Variants in NIN observed in about 807,000 individuals in gnomAD.
The protein encoded by NIN is glycogen synthase kinase 3 beta-interacting protein.
In NIN, 137 loss-of-function variants were observed where a neutral mutation model predicts 257.6. The observed-to-expected ratio is 0.53, with a 90% CI of 0.46 to 0.61. The LOEUF (loss-of-function observed/expected upper bound fraction) is 0.61. Among genes scored for constraint, NIN ranks in the 20% least tolerant of loss-of-function variants. The pLI is 0.00. For missense variants in NIN, 2,439 were observed against 2,501.2 expected (o/e 0.98, Z 0.53); for synonymous variants, 918 against 919.8 (o/e 1.00, Z 0.04).
In NIN at chr14:50,720,631, T is replaced by A. The variant is rs1162622352; in HGVS notation, c.*2832A>T. ...GGAAGAATTCACATTTAAAACAGTT[T>A]AAAAAATCTGGATTTAGTAAGAGTT... On this transcript the variant is annotated 3_prime_UTR_variant, in exon 31 of 31. Coordinates refer to ENST00000530997, the MANE Select transcript of NIN (RefSeq NM_020921.4). The A allele has an allele frequency of 4.8e-6, 1 of 206,348 alleles. No homozygotes were observed. The highest frequency in any genetic ancestry group is 9.9e-6 in the Non-Finnish European group (1 of 100,700). The allele number at this position is 206,348 out of a possible 1,614,324, so 12.8% of individuals were successfully genotyped here. A position where few individuals can be genotyped will look rare whatever the true frequency, so the allele number is the denominator to read the frequency against.
chr14:50,772,414 T>A lies in NIN; in HGVS notation c.868A>T (p.Ile290Phe), dbSNP rs1291249589. 1.9e-6 allele frequency: 3 copies of A among 1,614,124 alleles called. No individual in the cohort carries two copies. The highest frequency in any genetic ancestry group is 1.7e-6 in the Non-Finnish European group (2 of 1,180,012). ...TTTSSAMTST[I>F]GFRVFSCLDD... Reference sequence around the variant, plus strand: ...AGGCAGGAGAAGACCCGAAAGCCAATGGTACTTGTCATTGCTGATGAGGTT... The same window carrying A: ...AGGCAGGAGAAGACCCGAAAGCCAAAGGTACTTGTCATTGCTGATGAGGTT... Residue 290 changes from isoleucine to phenylalanine, a missense_variant, in exon 9 of 31, where the codon ATT (isoleucine) becomes TTT (phenylalanine). Ile to Phe is a conservative substitution (Grantham distance 21). Transcript: ENST00000530997.
At chr14:50,816,256 C>T (rs573094832) in intron 3 of NIN, among the ~76,000 whole-genome samples, 442 of 152,172 alleles carry the variant, frequency 2.9e-3, no homozygotes, top group African/African-American at 9.0e-3. Flanking sequence ...CTAATGGATG[C>T]CAGGCTTAAT....
intron 7 of NIN, among the ~76,000 whole-genome samples, chr14:50,773,535 T>C (rs963183598): frequency 6.6e-6 from 1 of 152,212 alleles, no homozygotes; most frequent in Non-Finnish European, 1.5e-5. Flanking sequence ...GTTGAATTTT[T>C]GAAATTGGTA....
At chr14:50,771,026 C>T (rs768439460) in intron 10 of NIN, 34 bp from the exon 11 acceptor site, 2 of 1,602,566 alleles carry the variant, frequency 1.2e-6, no homozygotes, top group East Asian at 2.2e-5. Flanking sequence ...TAATGGGAAA[C>T]TGTTTCTAAG....
chr14:50,795,098 C>T (rs1343883385), intron 4 of NIN, among the ~76,000 whole-genome samples: 5 of 152,102 alleles, frequency 3.3e-5, no homozygotes, highest in African/African-American at 9.7e-5. Flanking sequence ...ATAGAACGTA[C>T]GAACATGATA....
At chr14:50,816,750 G>A (rs1374113564) in intron 3 of NIN, among the ~76,000 whole-genome samples, 1 of 152,146 alleles carries the variant, frequency 6.6e-6, no homozygotes, top group African/African-American at 2.4e-5. Context: ...GAAATCTAAT[G>A]AGCATCCCTA....
Position 50,738,150 on chromosome 14 carries a change from G to A in NIN, c.5765C>T (p.Ala1922Val). The change falls in exon 27 of 31, where the codon GCT becomes GTT. Residue 1922 changes from alanine (A) to valine (V), a missense_variant. This residue lies in a region of NIN where 2,043 missense variants were observed against 2,050.2 expected (regional missense o/e 1.00). Coordinates refer to ENST00000530997, the MANE Select transcript of NIN (RefSeq NM_020921.4). ...TTCTCAAAAACTCACCTTCCTGTTA[G>A]CAGGAGATTGTTCTTTCTGAAACTG... ...CDQFQKEQSP[A>V]NRKVSQMNSL... 6.2e-7 allele frequency: 1 copy of A among 1,613,990 alleles called. No individual in the cohort carries two copies. The highest frequency in any genetic ancestry group is 8.5e-7 in the Non-Finnish European group (1 of 1,179,964).
rs996423537 is a variant in NIN at position 50,758,305 on chromosome 14, C to T, written c.2725G>A (p.Val909Ile). The part of the protein sequence containing the change: ...KTYKEHLNSM[V>I]VERQQLLQDL... ...TGGAGTAGCTGCTGTCTCTCGACGA[C>T]CATGCTGTTCAAATGTTCTTTGTAT... The change falls in exon 18 of 31, where the codon GTC (valine) becomes ATC (isoleucine). Residue 909 changes from valine to isoleucine, a missense_variant. Val to Ile is a conservative substitution (Grantham distance 29). This residue lies in a region of NIN where 2,043 missense variants were observed against 2,050.2 expected (regional missense o/e 1.00). Transcript: ENST00000530997. The T allele has an allele frequency of 1.2e-6, 2 of 1,614,230 alleles. No homozygotes were observed. The highest frequency in any genetic ancestry group is 1.7e-6 in the Non-Finnish European group (2 of 1,180,030).
Position 50,729,573 on chromosome 14 carries a change from G to A in NIN, c.6028C>T (p.His2010Tyr). The change falls in exon 29 of 31, where the codon CAC (histidine) becomes TAC (tyrosine). Residue 2010 changes from histidine to tyrosine, a missense_variant. Transcript: ENST00000530997. ...QLLQAERINQHLQEELENRTS... is the reference protein window; with the variant it reads ...QLLQAERINQYLQEELENRTS... ...CTGTTTTCAAGTTCCTCCTGCAGGT[G>A]CTGGTTTATCCTTTCTGCCTGCAGC... The A allele has an allele frequency of 6.2e-7, 1 of 1,614,082 alleles. No individual in the cohort carries two copies. Among genetic ancestry groups the A allele is most frequent in the Non-Finnish European group, 8.5e-7 (1 of 1,179,986 alleles).
chr14:50,760,304 T>C lies in NIN; in HGVS notation c.1952A>G (p.Gln651Arg). Residue 651 changes from glutamine to arginine, a missense_variant, in exon 17 of 31, where the codon CAG becomes CGG. By Grantham distance (43) the Gln-to-Arg change is conservative. This residue lies in a region of NIN where 2,043 missense variants were observed against 2,050.2 expected (regional missense o/e 1.00). Coordinates refer to ENST00000530997, the MANE Select transcript of NIN (RefSeq NM_020921.4). ...DETVVSCKKA[Q>R]ENMKQRHENE... ...CTCATGCCTTTGCTTCATGTTCTCC[T>C]GTGCCTTCTTGCAGCTGACCACGGT... The C allele has an allele frequency of 1.9e-6, 3 of 1,608,514 alleles. No homozygotes were observed. The highest frequency in any genetic ancestry group is 2.5e-6 in the Non-Finnish European group (3 of 1,179,940).
chr14:50,830,180 T>G (rs2045637934), intron 2 of NIN, among the ~76,000 whole-genome samples: 1 of 152,180 alleles, frequency 6.6e-6, no homozygotes, highest in East Asian at 1.9e-4. Context: ...CCACCACCCC[T>G]TCTGCTCCCT....
At chr14:50,739,704 G>A (rs1261932024) in intron 25 of NIN, among the ~76,000 whole-genome samples, 1 of 152,222 alleles carries the variant, frequency 6.6e-6, no homozygotes, top group East Asian at 1.9e-4. Context: ...GAGAGTCTCT[G>A]TTTAAAATGG....
At chr14:50,742,416 C>CA (rs1385448812) in intron 24 of NIN, 17 of 143,578 alleles carry the variant, frequency 1.2e-4, no homozygotes, top group African/African-American at 3.9e-4. Context: ...TTTCTGGAGA[C>CA]AGAGTCTTGC....
In NIN at chr14:50,729,701, G is replaced by C. The variant is rs756433943; in HGVS notation, c.5900C>G (p.Ala1967Gly). ...LMEMQHLRSTATPSPSPHAWD... is the reference protein window; with the variant it reads ...LMEMQHLRSTGTPSPSPHAWD... ...AGCATGAGGGGACGGGCTAGGCGTC[G>C]CAGTGGACCTCAGGTGCTGCATCTG... Residue 1967 changes from alanine (A) to glycine (G), a missense_variant, in exon 29 of 31, where the codon GCG (alanine) becomes GGG (glycine). This residue lies in a region of NIN where 2,043 missense variants were observed against 2,050.2 expected (regional missense o/e 1.00). Coordinates refer to ENST00000530997, the MANE Select transcript of NIN (RefSeq NM_020921.4). 6.2e-7 allele frequency: 1 copy of C among 1,608,286 alleles called. No homozygotes were observed. The highest frequency in any genetic ancestry group is 8.5e-7 in the Non-Finnish European group (1 of 1,177,102).
At chr14:50,767,674 A>T (rs531045675) in intron 12 of NIN, among the ~76,000 whole-genome samples, 2 of 152,056 alleles carry the variant, frequency 1.3e-5, no homozygotes. Context: ...AAAATTAGCC[A>T]GGTGTGGTGG....
At chr14:50,781,556 C>T (rs1319703409) in intron 5 of NIN, among the ~76,000 whole-genome samples, 3 of 152,218 alleles carry the variant, frequency 2.0e-5, no homozygotes, top group Admixed American at 6.5e-5. Flanking sequence ...GACAGTACTT[C>T]CCTGCTGCCT....
intron 8 of NIN, 83 bp downstream of exon 8, chr14:50,772,866 A>G (rs2042788325): frequency 1.7e-6 from 2 of 1,180,286 alleles, no homozygotes; most frequent in Non-Finnish European, 1.2e-6. Context: ...ATTTTGCTTC[A>G]GACAACAGAT....
chr14:50,821,891 C>A lies in NIN; in HGVS notation c.166G>T (p.Asp56Tyr). ...APVLQQTLLQDNLLGRVHFDQ... is the reference protein window; with the variant it reads ...APVLQQTLLQYNLLGRVHFDQ... Reference sequence around the variant, plus strand: ...GACCTTACCCTGCCCAAGAGGTTGTCCTGAAGTAATGTCTGCTGCAGCACT... The same window carrying A: ...GACCTTACCCTGCCCAAGAGGTTGTACTGAAGTAATGTCTGCTGCAGCACT... The change falls in exon 3 of 31, where the codon GAC (aspartate) becomes TAC (tyrosine). Residue 56 changes from aspartate to tyrosine, a missense_variant. By Grantham distance (160) the Asp-to-Tyr change is radical. This residue lies in a region of NIN where 387 missense variants were observed against 427.3 expected (regional missense o/e 0.91). Coordinates refer to ENST00000530997, the MANE Select transcript of NIN (RefSeq NM_020921.4). The A allele has an allele frequency of 6.2e-7, 1 of 1,613,836 alleles. No individual in the cohort carries two copies. The highest frequency in any genetic ancestry group is 8.5e-7 in the Non-Finnish European group (1 of 1,179,832).
chr14:50,753,796 C>A (rs1046147755), intron 20 of NIN, among the ~76,000 whole-genome samples: 1 of 152,070 alleles, frequency 6.6e-6, no homozygotes, highest in Non-Finnish European at 1.5e-5. Flanking sequence ...ATCTTTACTT[C>A]TTGCTAATTC....
Sources: allele counts gnomAD v4.1 joint callset (sites outside exome capture counted in the v4.1 genomes callset), GRCh38; gene constraint gnomAD v4.1.1; regional missense constraint gnomAD v4.1.1; transcripts MANE v1.5; gene names NCBI Gene and HGNC (gene_info 2026-07-23, HGNC 2026-07-21).